Variants in HERC3 observed in about 807,000 individuals in gnomAD.
The protein encoded by HERC3 is HECT and RLD domain containing E3 ubiquitin protein ligase 3.
HERC3 carries 58 observed loss-of-function variants against 129.9 expected under a neutral mutation model. The observed-to-expected ratio is 0.45, with a 90% CI of 0.36 to 0.56. The LOEUF (loss-of-function observed/expected upper bound fraction) is 0.56, where lower values mean the gene tolerates loss of function less well. Among genes scored for constraint, HERC3 ranks in the 20% least tolerant of loss-of-function variants. The pLI, the probability that HERC3 is intolerant of heterozygous loss-of-function variation, is 0.00. For missense variants in HERC3, 835 were observed against 1,244.2 expected (o/e 0.67, Z 4.95); for synonymous variants, 430 against 451.0 (o/e 0.95, Z 0.59).
At chr4:88,687,750 A>G (rs1191661592) in intron 23 of HERC3, among the ~76,000 whole-genome samples, 1 of 152,234 alleles carries the variant, frequency 6.6e-6, no homozygotes, top group African/African-American at 2.4e-5. Context: ...TATGTGTTGA[A>G]GAAATGAATT....
At chr4:88,625,341 T>C (rs1291024744) in intron 3 of HERC3, among the ~76,000 whole-genome samples, 1 of 152,168 alleles carries the variant, frequency 6.6e-6, no homozygotes, top group Non-Finnish European at 1.5e-5. Flanking sequence ...TGTGTCTCTC[T>C]CTATATTTTA....
chr4:88,624,324 AT>A (rs1269921081), intron 3 of HERC3, among the ~76,000 whole-genome samples: 1 of 152,234 alleles, frequency 6.6e-6, no homozygotes, highest in Non-Finnish European at 1.5e-5. Context: ...TGTATGTTCC[AT>A]TTTATAAGAA....
At chr4:88,566,422 T>G in the HERC3 span, among the ~76,000 whole-genome samples, 2 of 152,190 alleles carry the variant, frequency 1.3e-5, no homozygotes, top group South Asian at 2.1e-4. Context: ...CCCCCTTTGC[T>G]TTTTAACTTC....
intron 23 of HERC3, among the ~76,000 whole-genome samples, chr4:88,701,592 G>A (rs926604053): frequency 1.2e-4 from 18 of 152,004 alleles, no homozygotes; most frequent in African/African-American, 4.3e-4. Flanking sequence ...ACAGTCAACA[G>A]GTATTTGCTT....
chr4:88,599,061 G>A (rs1195462845), intron 2 of HERC3, among the ~76,000 whole-genome samples: 1 of 152,196 alleles, frequency 6.6e-6, no homozygotes, highest in Admixed American at 6.5e-5. Context: ...GAGTGAATGA[G>A]GAAAAATGGG....
chr4:88,652,368 T>C (rs1234984704), intron 5 of HERC3, among the ~76,000 whole-genome samples: 1 of 152,130 alleles, frequency 6.6e-6, no homozygotes, highest in African/African-American at 2.4e-5. Context: ...ATGGAGGAGA[T>C]TGATTTTTCT....
chr4:88,634,858 G>A (rs766207117), intron 3 of HERC3, among the ~76,000 whole-genome samples: 12 of 152,126 alleles, frequency 7.9e-5, no homozygotes, highest in Non-Finnish European at 1.6e-4. Context: ...ATGCAGGAGT[G>A]AACCAGATGA....
In HERC3 at chr4:88,652,091, A is replaced by T; in HGVS notation, c.463+3A>T. ...GCATTGCTTGGCTCTTGCGGCTGGT[A>T]AAGTAACATTAAACATATGCTAATG... On this transcript the variant is annotated splice_donor_region_variant and intron_variant, in intron 5 of 25. Transcript: ENST00000402738. The T allele has an allele frequency of 1.9e-6, 3 of 1,598,308 alleles. No homozygotes were observed. Among genetic ancestry groups the T allele is most frequent in the Non-Finnish European group, 2.6e-6 (3 of 1,165,560 alleles).
At chr4:88,645,704 C>T (rs941223413) in intron 3 of HERC3, among the ~76,000 whole-genome samples, 3 of 152,060 alleles carry the variant, frequency 2.0e-5, no homozygotes, top group South Asian at 2.1e-4. Flanking sequence ...CCAGGTAGAG[C>T]GGGACAGTGA....
At chr4:88,701,042 A>G (rs1735274001) in intron 23 of HERC3, among the ~76,000 whole-genome samples, 1 of 152,226 alleles carries the variant, frequency 6.6e-6, no homozygotes, top group Non-Finnish European at 1.5e-5. Context: ...TGGATGCCAT[A>G]GCCTAGCCAA....
At chr4:88,644,468 A>G (rs1285269165) in intron 3 of HERC3, among the ~76,000 whole-genome samples, 2 of 152,192 alleles carry the variant, frequency 1.3e-5, no homozygotes, top group East Asian at 3.9e-4. Flanking sequence ...ACTTAATTGA[A>G]TCTCAGAGGC....
At chr4:88,700,193 G>A (rs148840771) in intron 23 of HERC3, among the ~76,000 whole-genome samples, 2 of 151,810 alleles carry the variant, frequency 1.3e-5, no homozygotes, top group African/African-American at 4.8e-5. Context: ...TTATTATTGG[G>A]TAGTATTCCC....
At chr4:88,699,334 G>C (rs181728410) in intron 23 of HERC3, among the ~76,000 whole-genome samples, 356 of 16,512 alleles carry the variant, frequency 0.022, 12 homozygotes, top group South Asian at 0.15. Context: ...ACCCACCCAC[G>C]CAGCCCCACC....
At chr4:88,540,029 TCTC>T in the HERC3 span, among the ~76,000 whole-genome samples, 5 of 152,206 alleles carry the variant, frequency 3.3e-5, no homozygotes, top group African/African-American at 9.6e-5. Flanking sequence ...GAGCACCTCT[TCTC>T]CTCCAAAGGA....
the HERC3 span, among the ~76,000 whole-genome samples, chr4:88,582,600 A>G: frequency 6.6e-6 from 1 of 152,292 alleles, no homozygotes; most frequent in South Asian, 2.1e-4. Context: ...GCATCAAACA[A>G]CCAGTCAAGA....
At chr4:88,608,888 T>C (rs1723971174) in intron 3 of HERC3, among the ~76,000 whole-genome samples, 5 of 152,176 alleles carry the variant, frequency 3.3e-5, no homozygotes, top group Admixed American at 2.0e-4. Context: ...AGGGAGTATT[T>C]TGGGAACTGG....
chr4:88,653,065 G>A lies in HERC3; in HGVS notation c.660G>A (p.Gly220=). 1.2e-6 allele frequency: 2 copies of A among 1,614,186 alleles called. No homozygotes were observed. The highest frequency in any genetic ancestry group is 1.1e-5 in the South Asian group (1 of 91,086). The change falls in exon 6 of 26, where the codon GGG becomes GGA. Residue 220 remains glycine (G), a synonymous_variant. Transcript: ENST00000402738. ...TTGGCTGGGGGATGAATAATGCCGG[G>A]CAGCTAGGGCTCAGTGATGAAAAAG... is the stretch of plus-strand genomic sequence containing the variant. The part of the protein sequence containing the change: ...AVFGWGMNNA[G]QLGLSDEKDR...
At position 88,704,243 on chromosome 4, in the gene HERC3, G is replaced by A. The variant is rs1213769207; in HGVS notation, c.2803G>A (p.Val935Met). The change falls in exon 24 of 26, where the codon GTG (valine) becomes ATG (methionine). Residue 935 changes from valine to methionine, a missense_variant. By Grantham distance (21) the Val-to-Met change is conservative. Coordinates refer to ENST00000402738, the MANE Select transcript of HERC3 (RefSeq NM_014606.3). ...GCCTTCAGAACTGAGGGCTATGATG[G>A]TGGGGAACAGCAACTACAACTGGGA... ...FQPSELRAMM[V>M]GNSNYNWEEL... 1 of 1,614,000 alleles carries A rather than the reference G, an allele frequency of 6.2e-7. No individual in the cohort carries two copies. Among genetic ancestry groups the A allele is most frequent in the Non-Finnish European group, 8.5e-7 (1 of 1,180,026 alleles).
chr4:88,622,171 C>G (rs1288445861), intron 3 of HERC3, among the ~76,000 whole-genome samples: 2 of 152,216 alleles, frequency 1.3e-5, no homozygotes, highest in Non-Finnish European at 2.9e-5. Context: ...CCTGGACAAC[C>G]ATTAATCTAC....
Sources: allele counts gnomAD v4.1 joint callset (sites outside exome capture counted in the v4.1 genomes callset), GRCh38; gene constraint gnomAD v4.1.1; transcripts MANE v1.5; gene names NCBI Gene and HGNC (gene_info 2026-07-23, HGNC 2026-07-21).